BRINP1: variants seen among roughly 807,000 people sequenced by gnomAD.
The protein encoded by BRINP1 is BMP/retinoic acid inducible neural specific 1, also known as BMP/retinoic acid-inducible neural-specific protein 1.
Under a neutral mutation model 72.9 loss-of-function variants are expected in BRINP1, and 17 were observed. The ratio of observed to expected loss-of-function variants is 0.23; its 90% CI spans 0.16 to 0.35. BRINP1 has a LOEUF of 0.35. Among genes scored for constraint, BRINP1 ranks in the 10% least tolerant of loss-of-function variants. BRINP1 has a pLI of 1.00. For synonymous variants in BRINP1, 418 were observed against 378.5 expected, an observed-to-expected ratio of 1.10 and a Z score of -1.21; for missense variants, 850 against 1,001.6, an observed-to-expected ratio of 0.85 and a Z score of 2.04.
At chr9:119,322,533 C>T (rs1006038765) in intron 1 of BRINP1, among the ~76,000 whole-genome samples, 5 of 152,224 alleles carry the variant, frequency 3.3e-5, no homozygotes, top group Non-Finnish European at 7.3e-5. Flanking sequence ...TGTTACCAAG[C>T]TCATCCTCTG....
At chr9:119,230,935 C>T (rs1347447209) in intron 5 of BRINP1, among the ~76,000 whole-genome samples, 3 of 151,966 alleles carry the variant, frequency 2.0e-5, no homozygotes, top group African/African-American at 7.2e-5. Context: ...GATCTCTATC[C>T]TCCTTGCATT....
intron 5 of BRINP1, among the ~76,000 whole-genome samples, chr9:119,233,047 C>T (rs1236914066): frequency 5.4e-5 from 8 of 148,876 alleles, no homozygotes; most frequent in African/African-American, 7.4e-5. Flanking sequence ...TTTTGCTTTA[C>T]GTTTGCCTTG....
intron 5 of BRINP1, among the ~76,000 whole-genome samples, chr9:119,226,772 C>A (rs1830096404): frequency 6.6e-6 from 1 of 151,926 alleles, no homozygotes; most frequent in African/African-American, 2.4e-5. Context: ...AGGAAAATCA[C>A]AGACTGTCTA....
At chr9:119,349,690 T>C (rs532265634) in intron 1 of BRINP1, among the ~76,000 whole-genome samples, 9 of 152,292 alleles carry the variant, frequency 5.9e-5, no homozygotes, top group African/African-American at 1.7e-4. Flanking sequence ...GGAATGTTTT[T>C]GTGCTTCGCT....
chr9:119,353,059 T>C (rs1426567594), intron 1 of BRINP1, among the ~76,000 whole-genome samples: 1 of 152,174 alleles, frequency 6.6e-6, no homozygotes, highest in Non-Finnish European at 1.5e-5. Context: ...ACACCTCCCA[T>C]AGCTCCAATC....
intron 1 of BRINP1, 51 bp downstream of exon 1, chr9:119,369,005 C>A: frequency 2.5e-6 from 1 of 393,090 alleles, no homozygotes; most frequent in East Asian, 3.6e-5. Flanking sequence ...GGCCCGGGGC[C>A]GGGTCCAAGG....
At chr9:119,195,334 G>A (rs1307464970) in intron 7 of BRINP1, among the ~76,000 whole-genome samples, 2 of 152,180 alleles carry the variant, frequency 1.3e-5, no homozygotes, top group Non-Finnish European at 2.9e-5. Context: ...AATATTATTT[G>A]ACAAGAAAAG....
chr9:119,316,445 T>C (rs12238657), intron 1 of BRINP1, among the ~76,000 whole-genome samples: 20,246 of 152,098 alleles, frequency 0.13, 1,573 homozygotes, highest in African/African-American at 0.2. Context: ...TCGATGATTT[T>C]CATAGCTAGA....
At chr9:119,355,389 C>T (rs1831551136) in intron 1 of BRINP1, among the ~76,000 whole-genome samples, 1 of 152,148 alleles carries the variant, frequency 6.6e-6, no homozygotes, top group Admixed American at 6.5e-5. Flanking sequence ...TCATTCTCAA[C>T]AGCATAACTA....
At chr9:119,175,207 G>A (rs145448093) in intron 7 of BRINP1, among the ~76,000 whole-genome samples, 14 of 150,878 alleles carry the variant, frequency 9.3e-5, no homozygotes, top group African/African-American at 3.2e-4. Context: ...ATGAGTTCAT[G>A]TCCTTTGCAC....
intron 2 of BRINP1, among the ~76,000 whole-genome samples, chr9:119,277,886 T>C (rs916307878): frequency 1.3e-5 from 2 of 152,206 alleles, no homozygotes; most frequent in African/African-American, 4.8e-5. Context: ...AACCCCTTGC[T>C]TGATATATTA....
intron 1 of BRINP1, among the ~76,000 whole-genome samples, chr9:119,346,237 A>C (rs1262847362): frequency 6.6e-6 from 1 of 152,206 alleles, no homozygotes; most frequent in Non-Finnish European, 1.5e-5. Flanking sequence ...TACAGAAGAT[A>C]ATAAATTAAA....
intron 1 of BRINP1, among the ~76,000 whole-genome samples, chr9:119,315,560 A>G (rs944913806): frequency 1.3e-5 from 2 of 152,148 alleles, no homozygotes; most frequent in Non-Finnish European, 2.9e-5. Context: ...CCAATTAGTA[A>G]ACCTACAATG....
chr9:119,362,506 T>C (rs976157446), intron 1 of BRINP1, among the ~76,000 whole-genome samples: 6 of 152,210 alleles, frequency 3.9e-5, no homozygotes, highest in Non-Finnish European at 5.9e-5. Context: ...AGATCGGTAC[T>C]ATTAGATTGC....
At chr9:119,262,404 C>T (rs112512534) in intron 2 of BRINP1, among the ~76,000 whole-genome samples, 20 of 151,998 alleles carry the variant, frequency 1.3e-4, no homozygotes, top group Non-Finnish European at 2.2e-4. Context: ...GAGGTCGAGG[C>T]GGGCGGGTCA....
chr9:119,365,414 C>T (rs1248048176), intron 1 of BRINP1, among the ~76,000 whole-genome samples: 1 of 152,180 alleles, frequency 6.6e-6, no homozygotes, highest in African/African-American at 2.4e-5. Context: ...ACCAGTAGTT[C>T]AGCAGCCAAT....
intron 5 of BRINP1, among the ~76,000 whole-genome samples, chr9:119,229,392 A>G (rs1830125780): frequency 6.6e-6 from 1 of 152,146 alleles, no homozygotes; most frequent in African/African-American, 2.4e-5. Context: ...GAAGTAAGTT[A>G]GTAATAGAGG....
intron 1 of BRINP1, among the ~76,000 whole-genome samples, chr9:119,351,753 T>A (rs999682435): frequency 3.9e-5 from 6 of 152,210 alleles, no homozygotes; most frequent in Non-Finnish European, 5.9e-5. Context: ...GGAAAGTCAA[T>A]GAGCAAAGTC....
chr9:119,342,624 G>C (rs766714897), intron 1 of BRINP1, among the ~76,000 whole-genome samples: 11 of 152,192 alleles, frequency 7.2e-5, no homozygotes, highest in Non-Finnish European at 1.3e-4. Context: ...TCACCTGGCA[G>C]ACCTCTAGAC....
Sources: allele counts gnomAD v4.1 joint callset (sites outside exome capture counted in the v4.1 genomes callset), GRCh38; gene constraint gnomAD v4.1.1; transcripts MANE v1.5; gene names NCBI Gene and HGNC (gene_info 2026-07-23, HGNC 2026-07-21).